Variants in ANK2 observed in about 807,000 individuals in gnomAD.
The protein encoded by ANK2 is ankyrin-2.
ANK2 carries 83 observed loss-of-function variants against 360.5 expected under a neutral mutation model. The ratio of observed to expected loss-of-function variants is 0.23; its 90% CI spans 0.19 to 0.28. The LOEUF (loss-of-function observed/expected upper bound fraction) is 0.28. ANK2 is among the 10% of genes least tolerant of loss of function. The pLI, the probability that ANK2 is intolerant of heterozygous loss-of-function variation, is 1.00. For missense variants in ANK2, 4,201 were observed against 4,795.7 expected (o/e 0.88, Z 3.66); for synonymous variants, 1,740 against 1,759.5 (o/e 0.99, Z 0.28).
At chr4:112,787,246 A>G in the ANK2 span, among the ~76,000 whole-genome samples, 4 of 152,234 alleles carry the variant, frequency 2.6e-5, no homozygotes, top group African/African-American at 9.6e-5. Flanking sequence ...AAAAAAGACA[A>G]AAATATATAG....
chr4:113,236,928 A>T, intron 5 of ANK2, 59 bp from the exon 6 acceptor site: 1 of 1,541,994 alleles, frequency 6.5e-7, no homozygotes, highest in Non-Finnish European at 9.0e-7. Context: ...CATTGCTTAG[A>T]ACTAAATCTC....
At chr4:113,376,809 T>TG (rs1027439231) in intron 45 of ANK2, among the ~76,000 whole-genome samples, 1 of 148,474 alleles carries the variant, frequency 6.7e-6, no homozygotes, top group African/African-American at 2.4e-5. Context: ...AAGGTTTTTT[T>TG]TTTTTTTTTT....
At chr4:113,331,617 G>A (rs1421750674) in intron 27 of ANK2, among the ~76,000 whole-genome samples, 1 of 152,106 alleles carries the variant, frequency 6.6e-6, no homozygotes, top group African/African-American at 2.4e-5. Flanking sequence ...CAGATCTGTT[G>A]GGGAATATGC....
intron 2 of ANK2, among the ~76,000 whole-genome samples, chr4:113,007,335 G>A (rs2053242393): frequency 6.6e-6 from 1 of 152,144 alleles, no homozygotes; most frequent in Non-Finnish European, 1.5e-5. Flanking sequence ...CTATCCTGGA[G>A]AAGCAGGTGG....
chr4:112,883,760 G>C (rs1349828412), intron 1 of ANK2, among the ~76,000 whole-genome samples: 1 of 151,740 alleles, frequency 6.6e-6, no homozygotes, highest in Non-Finnish European at 1.5e-5. Flanking sequence ...ATCAGAGAAA[G>C]GCTGTTGGCC....
intron 2 of ANK2, among the ~76,000 whole-genome samples, chr4:112,983,229 G>A (rs1445982797): frequency 2.6e-5 from 4 of 151,966 alleles, no homozygotes; most frequent in South Asian, 2.1e-4. Context: ...ATTGCCTTCA[G>A]CATATTAGAT....
At chr4:113,104,243 A>G (rs1169304765) in intron 1 of ANK2, among the ~76,000 whole-genome samples, 1 of 152,008 alleles carries the variant, frequency 6.6e-6, no homozygotes, top group Non-Finnish European at 1.5e-5. Context: ...TTTACTTTTT[A>G]GATTTTGATG....
At chr4:112,754,513 T>A in the ANK2 span, among the ~76,000 whole-genome samples, 1 of 74,104 alleles carries the variant, frequency 1.3e-5, no homozygotes, top group Non-Finnish European at 2.5e-5. Context: ...TGAGTTTTTT[T>A]TTTTGGGGGG....
intron 23 of ANK2, among the ~76,000 whole-genome samples, chr4:113,308,032 T>C (rs978482174): frequency 3.3e-5 from 5 of 152,218 alleles, no homozygotes; most frequent in African/African-American, 1.2e-4. Context: ...AGGTTTGTTC[T>C]ATAATGTAAA....
chr4:113,255,951 A>G lies in ANK2; in HGVS notation c.1188+19A>G. The G allele has an allele frequency of 6.2e-7, 1 of 1,610,524 alleles. No homozygotes were observed. The highest frequency in any genetic ancestry group is 8.5e-7 in the Non-Finnish European group (1 of 1,176,982). On this transcript the variant is annotated intron_variant, in intron 11 of 45. Coordinates refer to ENST00000357077, the MANE Select transcript of ANK2 (RefSeq NM_001148.6). ...AGCCCTGGTAAACTTGGCCCAGTCCACATTAACTGAATACAGATTGAGACA... is the reference window on the plus strand; with the variant it reads ...AGCCCTGGTAAACTTGGCCCAGTCCGCATTAACTGAATACAGATTGAGACA...
chr4:112,868,900 A>G (rs191110839), intron 1 of ANK2, among the ~76,000 whole-genome samples: 12 of 152,266 alleles, frequency 7.9e-5, no homozygotes, highest in Middle Eastern at 3.4e-3. Flanking sequence ...CTAAATCTTT[A>G]TCAGAAATAT....
At chr4:113,080,429 C>T (rs552821722) in intron 1 of ANK2, among the ~76,000 whole-genome samples, 1 of 152,218 alleles carries the variant, frequency 6.6e-6, no homozygotes, top group Admixed American at 6.5e-5. Context: ...ATTTCACAAC[C>T]TGTATTTTCC....
chr4:112,921,190 A>G (rs929254294), intron 2 of ANK2, among the ~76,000 whole-genome samples: 1 of 150,708 alleles, frequency 6.6e-6, no homozygotes, highest in Non-Finnish European at 1.5e-5. Flanking sequence ...CGCCATGCTA[A>G]TTTTTGTATT....
At chr4:113,009,131 A>C (rs575230982) in intron 2 of ANK2, among the ~76,000 whole-genome samples, 2 of 152,246 alleles carry the variant, frequency 1.3e-5, no homozygotes, top group South Asian at 4.1e-4. Flanking sequence ...AAAGGAGAAC[A>C]CTGTTCTGTT....
the ANK2 span, among the ~76,000 whole-genome samples, chr4:112,783,628 A>ATTTAT: frequency 9.2e-5 from 13 of 141,212 alleles, no homozygotes; most frequent in East Asian, 2.5e-3. Flanking sequence ...ATGTTGATAT[A>ATTTAT]TTATTTATTT....
chr4:112,722,252 C>T, the ANK2 span, among the ~76,000 whole-genome samples: 8 of 152,120 alleles, frequency 5.3e-5, no homozygotes, highest in African/African-American at 1.9e-4. Context: ...GAATTTGGAC[C>T]ACCTAACAGT....
chr4:113,051,408 CTTTGAGGA>C (rs1412317129), intron 1 of ANK2, among the ~76,000 whole-genome samples: 1 of 152,044 alleles, frequency 6.6e-6, no homozygotes, highest in Non-Finnish European at 1.5e-5. Flanking sequence ...ATTTTAAAGT[CTTTGAGGA>C]GGTAGAGACA....
intron 2 of ANK2, among the ~76,000 whole-genome samples, chr4:113,187,055 C>A (rs2098543601): frequency 6.6e-6 from 1 of 151,902 alleles, no homozygotes; most frequent in South Asian, 2.1e-4. Flanking sequence ...CATTCCACAC[C>A]CCACCCCACC....
At chr4:112,836,777 G>A (rs1560726584) in intron 1 of ANK2, among the ~76,000 whole-genome samples, 2 of 152,282 alleles carry the variant, frequency 1.3e-5, no homozygotes, top group East Asian at 1.9e-4. Context: ...TTTCTAAGCA[G>A]CAAACCATTC....
Sources: gnomAD v4.1 joint callset for allele counts (sites outside exome capture counted in the v4.1 genomes callset) on GRCh38, gnomAD v4.1.1 for gene constraint, MANE v1.5 for transcripts, NCBI Gene and HGNC (gene_info 2026-07-23, HGNC 2026-07-21) for gene names.